SCAMP1: variants seen among roughly 807,000 people sequenced by gnomAD.
SCAMP1 encodes secretory carrier membrane protein 1, also known as secretory carrier-associated membrane protein 1.
A neutral mutation model predicts 41.8 loss-of-function variants in SCAMP1; 15 were observed. The observed-to-expected ratio is 0.36, with a 90% CI of 0.24 to 0.55. The LOEUF is 0.55. SCAMP1 is among the 20% of genes least tolerant of loss of function. The pLI is 0.86. For synonymous variants in SCAMP1, 135 were observed against 136.8 expected, an observed-to-expected ratio of 0.99 and a Z score of 0.09; for missense variants, 341 against 412.6, an observed-to-expected ratio of 0.83 and a Z score of 1.50.
chr5:78,400,847 A>C (rs62362624), intron 2 of SCAMP1, among the ~76,000 whole-genome samples: 42,870 of 151,776 alleles, frequency 0.28, 6,355 homozygotes, highest in East Asian at 0.54. Context: ...TTTGGGTCTT[A>C]TTACATTAGT....
chr5:78,368,236 T>C (rs1160248759), intron 1 of SCAMP1, among the ~76,000 whole-genome samples: 1 of 152,180 alleles, frequency 6.6e-6, no homozygotes, highest in Non-Finnish European at 1.5e-5. Flanking sequence ...AGAAAACTTT[T>C]GTCTAGGTTG....
At chr5:78,371,032 T>C (rs1218115383) in intron 1 of SCAMP1, among the ~76,000 whole-genome samples, 1 of 152,194 alleles carries the variant, frequency 6.6e-6, no homozygotes, top group East Asian at 1.9e-4. Context: ...TTTTTTATTA[T>C]TGAGTTATAA....
chr5:78,387,394 G>T (rs73130381), intron 1 of SCAMP1, among the ~76,000 whole-genome samples: 4,124 of 143,992 alleles, frequency 0.029, 222 homozygotes, highest in African/African-American at 0.099. Context: ...CTTTAAGTTG[G>T]CCTTTACCTT....
intron 6 of SCAMP1, among the ~76,000 whole-genome samples, chr5:78,434,422 A>G (rs902154971): frequency 2.6e-5 from 4 of 152,174 alleles, no homozygotes; most frequent in Admixed American, 1.3e-4. Flanking sequence ...CCACTTTTCT[A>G]CGTCCTAAGC....
intron 1 of SCAMP1, chr5:78,361,094 G>C (rs1377559615): frequency 4.5e-6 from 1 of 220,440 alleles, no homozygotes; most frequent in East Asian, 1.2e-4. Flanking sequence ...TGGCTGGCAG[G>C]GCCGGGAGTC....
chr5:78,376,041 C>G (rs147196416), intron 1 of SCAMP1, among the ~76,000 whole-genome samples: 4 of 152,280 alleles, frequency 2.6e-5, no homozygotes, highest in African/African-American at 9.6e-5. Flanking sequence ...CCCGACTGTT[C>G]ATACACCCCC....
chr5:78,435,037 A>G (rs907485531), intron 6 of SCAMP1, among the ~76,000 whole-genome samples: 30 of 152,336 alleles, frequency 2.0e-4, no homozygotes, highest in African/African-American at 7.0e-4. Flanking sequence ...AGAAACATGT[A>G]TGGTGTATCT....
chr5:78,383,909 A>T (rs935113795), intron 1 of SCAMP1, among the ~76,000 whole-genome samples: 2 of 152,072 alleles, frequency 1.3e-5, no homozygotes, highest in Admixed American at 1.3e-4. Flanking sequence ...TGCTTTGGCT[A>T]TGTGGGCTCC....
At chr5:78,427,024 C>T (rs1311787551) in intron 6 of SCAMP1, among the ~76,000 whole-genome samples, 1 of 152,108 alleles carries the variant, frequency 6.6e-6, no homozygotes, top group Non-Finnish European at 1.5e-5. Context: ...CATGAATATG[C>T]ATGTGTCTTA....
chr5:78,432,007 A>G (rs1178687561), intron 6 of SCAMP1, among the ~76,000 whole-genome samples: 2 of 152,038 alleles, frequency 1.3e-5, no homozygotes, highest in African/African-American at 4.8e-5. Context: ...AAAATCTACA[A>G]TTATTTTGAC....
chr5:78,473,595 A>G (rs1390109650), intron 8 of SCAMP1, among the ~76,000 whole-genome samples: 7 of 152,110 alleles, frequency 4.6e-5, no homozygotes, highest in Non-Finnish European at 1.5e-5. Context: ...ATAGTACCCA[A>G]TTGGTAGTTT....
intron 2 of SCAMP1, among the ~76,000 whole-genome samples, chr5:78,409,171 A>G (rs1191199090): frequency 6.6e-6 from 1 of 152,066 alleles, no homozygotes; most frequent in African/African-American, 2.4e-5. Context: ...AATTTGGTGA[A>G]TGGTTTGGTA....
chr5:78,398,837 G>T (rs911217336), intron 2 of SCAMP1, among the ~76,000 whole-genome samples: 3 of 152,090 alleles, frequency 2.0e-5, no homozygotes, highest in African/African-American at 4.8e-5. Context: ...GAGCCACCGC[G>T]CATGGCCCCA....
chr5:78,460,218 G>A (rs965997386), intron 8 of SCAMP1, among the ~76,000 whole-genome samples: 3 of 152,184 alleles, frequency 2.0e-5, no homozygotes, highest in Non-Finnish European at 2.9e-5. Flanking sequence ...AAGCATATGA[G>A]TGCAGGTGTC....
At chr5:78,407,101 GT>G (rs1162553859) in intron 2 of SCAMP1, among the ~76,000 whole-genome samples, 2 of 152,174 alleles carry the variant, frequency 1.3e-5, no homozygotes, top group African/African-American at 4.8e-5. Context: ...TGTATTTGGA[GT>G]TTTGGTCCAT....
At chr5:78,406,058 A>G (rs1751926850) in intron 2 of SCAMP1, among the ~76,000 whole-genome samples, 1 of 152,204 alleles carries the variant, frequency 6.6e-6, no homozygotes, top group Non-Finnish European at 1.5e-5. Flanking sequence ...AGCTGCAGAA[A>G]GTTTCAGGAT....
intron 6 of SCAMP1, among the ~76,000 whole-genome samples, chr5:78,431,384 A>G (rs549908648): frequency 1.5e-3 from 221 of 151,834 alleles, no homozygotes; most frequent in African/African-American, 5.0e-3. Context: ...TGACAAGTCT[A>G]TATATTAAGT....
intron 2 of SCAMP1, among the ~76,000 whole-genome samples, chr5:78,393,559 A>C (rs1751571579): frequency 6.6e-6 from 1 of 152,246 alleles, no homozygotes; most frequent in African/African-American, 2.4e-5. Context: ...AGACTAAGTC[A>C]TTTTATTGAC....
rs186883259 is a variant in SCAMP1 at position 78,379,510 on chromosome 5, G to A, written c.58-9327G>A. 2.0e-3 allele frequency among the ~76,000 whole-genome samples: 305 copies of A among 152,258 alleles called. 1 individual carries two copies. The highest frequency in any genetic ancestry group is 6.8e-3 in the Middle Eastern group (2 of 294). On this transcript the variant is annotated intron_variant, in intron 1 of 8. Transcript: ENST00000621999. ...CTTTAATGCTTTGTCATCTAATACT[G>A]CATTAGGAGAGTGAACTCAGTTCAC...
Sources: gnomAD v4.1 joint callset for allele counts (sites outside exome capture counted in the v4.1 genomes callset) on GRCh38, gnomAD v4.1.1 for gene constraint, MANE v1.5 for transcripts, NCBI Gene and HGNC (gene_info 2026-07-23, HGNC 2026-07-21) for gene names.